PLA2G5: variants seen among roughly 807,000 people sequenced by gnomAD.
PLA2G5 encodes phospholipase A2 group V.
Under a neutral mutation model 15.9 loss-of-function variants are expected in PLA2G5, and 12 were observed. That is an observed-to-expected ratio of 0.76 (90% CI 0.48 to 1.23). PLA2G5 has a LOEUF of 1.23. PLA2G5 is among the 50% of genes most tolerant of loss of function. PLA2G5 has a pLI of 0.00. For synonymous variants in PLA2G5, 71 were observed against 71.4 expected (o/e 0.99, Z 0.03); for missense variants, 169 against 177.1 (o/e 0.95, Z 0.26).
chr1:20,029,011 GTT>G (rs942529560), intron 1 of PLA2G5, among the ~76,000 whole-genome samples: 4 of 152,188 alleles, frequency 2.6e-5, no homozygotes, highest in Non-Finnish European at 5.9e-5. Flanking sequence ...TGCTCTTTTA[GTT>G]TAGGCATTTA....
chr1:20,046,182 A>G (rs1428983910), intron 1 of PLA2G5: 2 of 152,186 alleles, frequency 1.3e-5, no homozygotes, highest in East Asian at 3.8e-4. Flanking sequence ...CTAAAGTCTA[A>G]CAACCAGCTT....
chr1:20,034,171 G>A (rs2013119686), intron 1 of PLA2G5, among the ~76,000 whole-genome samples: 1 of 152,044 alleles, frequency 6.6e-6, no homozygotes, highest in Non-Finnish European at 1.5e-5. Context: ...AGAGAAGGAG[G>A]TTATTGATGT....
chr1:20,034,204 A>G (rs1486315250), intron 1 of PLA2G5, among the ~76,000 whole-genome samples: 1 of 152,148 alleles, frequency 6.6e-6, no homozygotes, highest in East Asian at 1.9e-4. Flanking sequence ...TGTTAGGAGC[A>G]AGGGGAAGTT....
At chr1:20,068,925 C>T (rs2015194605), upstream of PLA2G5, 6 of 1,289,102 alleles carry the variant, frequency 4.7e-6, no homozygotes, top group Non-Finnish European at 6.1e-6. Flanking sequence ...CCTTCTCCAA[C>T]ACAGCAGAGC....
chr1:20,057,955 A>T (rs2014518877), intron 1 of PLA2G5, among the ~76,000 whole-genome samples: 1 of 151,844 alleles, frequency 6.6e-6, no homozygotes, highest in Non-Finnish European at 1.5e-5. Context: ...TATGTTACTG[A>T]TTTCTAGTTT....
chr1:20,054,302 A>G (rs563924122), intron 1 of PLA2G5, among the ~76,000 whole-genome samples: 7 of 152,206 alleles, frequency 4.6e-5, no homozygotes, highest in Non-Finnish European at 1.0e-4. Context: ...GCACTAAAGG[A>G]GGAAGGATTA....
At chr1:20,044,369 T>TTG (rs1553171695) in intron 1 of PLA2G5, among the ~76,000 whole-genome samples, 1 of 150,294 alleles carries the variant, frequency 6.7e-6, no homozygotes, top group South Asian at 2.1e-4. Context: ...ATTCCTGTTG[T>TTG]GGGGGGGGTT....
intron 1 of PLA2G5, among the ~76,000 whole-genome samples, chr1:20,056,852 T>C (rs1389244681): frequency 1.3e-5 from 2 of 152,172 alleles, no homozygotes; most frequent in Non-Finnish European, 2.9e-5. Flanking sequence ...CCTAATAGTT[T>C]CTATTTTAGA....
chr1:20,080,925 T>C (rs2015980794), intron 1 of PLA2G5, among the ~76,000 whole-genome samples: 1 of 151,416 alleles, frequency 6.6e-6, no homozygotes, highest in African/African-American at 2.4e-5. Context: ...CGAAGAGGAG[T>C]GAACCCCCAT....
intron 1 of PLA2G5, among the ~76,000 whole-genome samples, chr1:20,079,537 G>A (rs1383107083): frequency 2.0e-5 from 3 of 151,910 alleles, no homozygotes; most frequent in African/African-American, 4.8e-5. Flanking sequence ...TAGAGACAGG[G>A]GCTTGCTTTG....
At chr1:20,057,994 T>G (rs765182958) in intron 1 of PLA2G5, among the ~76,000 whole-genome samples, 12 of 152,208 alleles carry the variant, frequency 7.9e-5, no homozygotes, top group Non-Finnish European at 1.6e-4. Flanking sequence ...AAGCATGCAT[T>G]GTATGATTTC....
intron 1 of PLA2G5, 129 bp from the exon 2 acceptor site, chr1:20,084,692 A>C: frequency 1.4e-6 from 1 of 720,104 alleles, no homozygotes; most frequent in Non-Finnish European, 2.5e-6. Flanking sequence ...GGCTGGACTC[A>C]TCTTGTTTAT....
At position 20,042,201 on chromosome 1, in the gene PLA2G5, C is replaced by G. The variant is rs1371273516; in HGVS notation, n.276+13492C>G. 2.6e-5 allele frequency among the ~76,000 whole-genome samples: 4 copies of G among 152,062 alleles called. No individual in the cohort carries two copies. In the South Asian group the frequency reaches 8.3e-4, roughly 32 times the overall value. On this transcript the variant is annotated intron_variant and non_coding_transcript_variant, in intron 1 of 6. Transcript: ENST00000460175. Reference sequence around the variant, plus strand: ...GTAGTGGATGGGGACAGAATGGTAGCCTCAATGATAGATGTGAAAGATACT... The same window carrying G: ...GTAGTGGATGGGGACAGAATGGTAGGCTCAATGATAGATGTGAAAGATACT...
At chr1:20,046,888 C>G (rs1434351352) in intron 1 of PLA2G5, among the ~76,000 whole-genome samples, 1 of 152,182 alleles carries the variant, frequency 6.6e-6, no homozygotes, top group East Asian at 1.9e-4. Flanking sequence ...TCTAAAGGGT[C>G]TTCTCTATTT....
At chr1:20,031,278 A>C (rs1379551543) in intron 1 of PLA2G5, among the ~76,000 whole-genome samples, 6 of 152,228 alleles carry the variant, frequency 3.9e-5, no homozygotes, top group Non-Finnish European at 8.8e-5. Context: ...TTGTGTGGAC[A>C]AACAAATCTA....
chr1:20,089,266 T>C (rs950797626), intron 3 of PLA2G5, among the ~76,000 whole-genome samples: 3 of 151,722 alleles, frequency 2.0e-5, no homozygotes, highest in Admixed American at 6.5e-5. Context: ...TCCATCCATA[T>C]TGGTTGATCC....
At chr1:20,033,979 C>G (rs972287395) in intron 1 of PLA2G5, among the ~76,000 whole-genome samples, 1 of 151,916 alleles carries the variant, frequency 6.6e-6, no homozygotes, top group Non-Finnish European at 1.5e-5. Flanking sequence ...GGGACATGTC[C>G]CTTATTAGCT....
At chr1:20,079,430 T>C (rs1418176888) in intron 1 of PLA2G5, among the ~76,000 whole-genome samples, 8 of 152,244 alleles carry the variant, frequency 5.3e-5, no homozygotes, top group Admixed American at 4.6e-4. Context: ...GGAGCTGATA[T>C]AGAGCCTGTG....
At chr1:20,061,273 C>T (rs2014713860) in intron 2 of PLA2G5, among the ~76,000 whole-genome samples, 2 of 152,230 alleles carry the variant, frequency 1.3e-5, no homozygotes, top group Admixed American at 1.3e-4. Context: ...GGCCTGACTG[C>T]CCCACTCATA....
Sources: allele counts gnomAD v4.1 joint callset (sites outside exome capture counted in the v4.1 genomes callset), GRCh38; gene constraint gnomAD v4.1.1; transcripts MANE v1.5; gene names NCBI Gene and HGNC (gene_info 2026-07-23, HGNC 2026-07-21).